Variants in FAF1 observed in about 807,000 individuals in gnomAD.
FAF1 encodes FAS-associated factor 1.
Under a neutral mutation model 92.5 loss-of-function variants are expected in FAF1, and 25 were observed. That is an observed-to-expected ratio of 0.27 (90% CI 0.20 to 0.38). The LOEUF is 0.38. Ranked by LOEUF, FAF1 falls within the 10% of genes least tolerant of loss-of-function variation. FAF1 has a pLI of 1.00. For synonymous variants in FAF1, 234 were observed against 273.2 expected (o/e 0.86, Z 1.42); for missense variants, 636 against 793.3 (o/e 0.80, Z 2.38).
At chr1:50,833,506 TG>T (rs1644173776) in intron 2 of FAF1, among the ~76,000 whole-genome samples, 1 of 152,078 alleles carries the variant, frequency 6.6e-6, no homozygotes, top group Non-Finnish European at 1.5e-5. Flanking sequence ...CAAATCCTGT[TG>T]TTTAGGGGTT....
chr1:50,866,063 G>A (rs936395624), intron 1 of FAF1, among the ~76,000 whole-genome samples: 9 of 152,034 alleles, frequency 5.9e-5, no homozygotes, highest in African/African-American at 1.9e-4. Flanking sequence ...GTCAATAAAT[G>A]TGATACACCA....
chr1:50,576,746 G>A (rs1244604561), intron 12 of FAF1, among the ~76,000 whole-genome samples: 9 of 151,402 alleles, frequency 5.9e-5, no homozygotes, highest in Admixed American at 5.9e-4. Flanking sequence ...GGGCTCAAGT[G>A]ATGCTCCTGA....
At chr1:50,586,552 G>A (rs945561542) in intron 9 of FAF1, among the ~76,000 whole-genome samples, 4 of 152,114 alleles carry the variant, frequency 2.6e-5, no homozygotes, top group African/African-American at 9.7e-5. Flanking sequence ...ACAAGATAAT[G>A]AAGATACATT....
At chr1:50,451,381 A>T (rs1384253762) in intron 18 of FAF1, among the ~76,000 whole-genome samples, 3 of 152,224 alleles carry the variant, frequency 2.0e-5, no homozygotes, top group African/African-American at 7.2e-5. Context: ...ATAAGCACTC[A>T]TACAACTCTA....
At chr1:50,707,244 C>T (rs941821293) in intron 6 of FAF1, among the ~76,000 whole-genome samples, 45 of 151,310 alleles carry the variant, frequency 3.0e-4, no homozygotes, top group Non-Finnish European at 1.2e-4. Context: ...AATCTGTCTG[C>T]CCTATTGTCT....
chr1:50,603,675 A>G (rs1356515690), intron 8 of FAF1, among the ~76,000 whole-genome samples: 1 of 152,198 alleles, frequency 6.6e-6, no homozygotes, highest in Non-Finnish European at 1.5e-5. Context: ...AAAGTCACAC[A>G]GAGCTTTAAT....
intron 2 of FAF1, among the ~76,000 whole-genome samples, chr1:50,843,268 G>T (rs894997746): frequency 1.3e-5 from 2 of 151,898 alleles, no homozygotes; most frequent in Non-Finnish European, 2.9e-5. Flanking sequence ...TCATTTTATG[G>T]ATATATAATA....
chr1:50,639,043 TTTCCACATTTCATAAATGTGGA>T (rs1258744678), intron 8 of FAF1, among the ~76,000 whole-genome samples: 15 of 152,364 alleles, frequency 9.8e-5, no homozygotes, highest in African/African-American at 3.6e-4. Flanking sequence ...AGCTTTGGTT[TTTCCACATTTCATAAATGTGGA>T]ATCACACAGT....
intron 8 of FAF1, among the ~76,000 whole-genome samples, chr1:50,643,311 T>C (rs1173861918): frequency 6.6e-6 from 1 of 152,188 alleles, no homozygotes; most frequent in East Asian, 1.9e-4. Flanking sequence ...GTAGGATCAC[T>C]AATGGTACAC....
chr1:50,842,775 A>G (rs1183526202), intron 2 of FAF1, among the ~76,000 whole-genome samples: 1 of 152,062 alleles, frequency 6.6e-6, no homozygotes, highest in Non-Finnish European at 1.5e-5. Flanking sequence ...AACCCCCTCT[A>G]TATCTTTAGT....
At chr1:50,931,527 A>G (rs1462241022) in intron 1 of FAF1, among the ~76,000 whole-genome samples, 1 of 152,162 alleles carries the variant, frequency 6.6e-6, no homozygotes, top group Non-Finnish European at 1.5e-5. Flanking sequence ...AAAAGCAGAA[A>G]TCCCTGATAA....
chr1:50,746,320 T>A (rs868318817), intron 4 of FAF1, among the ~76,000 whole-genome samples: 1 of 82,850 alleles, frequency 1.2e-5, no homozygotes, highest in Non-Finnish European at 2.4e-5. Flanking sequence ...TTTTTTTTTT[T>A]GAGACAGAGT....
chr1:50,487,193 T>C (rs372032162), intron 17 of FAF1, among the ~76,000 whole-genome samples: 456 of 152,300 alleles, frequency 3.0e-3, no homozygotes, highest in Middle Eastern at 6.8e-3. Flanking sequence ...TAAAATCTCA[T>C]TGCTAGAAAA....
intron 15 of FAF1, among the ~76,000 whole-genome samples, chr1:50,522,633 C>T (rs1647562590): frequency 6.6e-6 from 1 of 152,166 alleles, no homozygotes; most frequent in South Asian, 2.1e-4. Flanking sequence ...ATGTCAGTTC[C>T]CAGTAGTACC....
intron 6 of FAF1, among the ~76,000 whole-genome samples, chr1:50,706,272 C>A (rs1657671471): frequency 2.6e-5 from 4 of 151,464 alleles, no homozygotes; most frequent in Non-Finnish European, 5.9e-5. Context: ...CCAAGTGAAA[C>A]AGCTGTTCTA....
chr1:50,809,210 T>G (rs1304278087), intron 2 of FAF1, among the ~76,000 whole-genome samples: 2 of 151,592 alleles, frequency 1.3e-5, no homozygotes, highest in East Asian at 3.9e-4. Context: ...ACACCTTGAA[T>G]TAAAGAAACA....
intron 1 of FAF1, among the ~76,000 whole-genome samples, chr1:50,891,737 ACCCAGC>A (rs1249717994): frequency 6.6e-6 from 1 of 152,174 alleles, no homozygotes; most frequent in Non-Finnish European, 1.5e-5. Context: ...TCAGAGAGGT[ACCCAGC>A]CGTGTGAGGT....
intron 2 of FAF1, among the ~76,000 whole-genome samples, chr1:50,818,227 A>G (rs1241244447): frequency 2.0e-5 from 3 of 152,228 alleles, no homozygotes; most frequent in Non-Finnish European, 4.4e-5. Context: ...GTGAAATTAA[A>G]AAGACTATCA....
chr1:50,704,651 T>C (rs186971935), intron 7 of FAF1, among the ~76,000 whole-genome samples: 36 of 152,172 alleles, frequency 2.4e-4, no homozygotes, highest in African/African-American at 7.9e-4. Context: ...AAAATGAAAT[T>C]ACAATTTATA....
Sources: gnomAD v4.1 joint callset for allele counts (sites outside exome capture counted in the v4.1 genomes callset) on GRCh38, gnomAD v4.1.1 for gene constraint, MANE v1.5 for transcripts, NCBI Gene and HGNC (gene_info 2026-07-23, HGNC 2026-07-21) for gene names.